The following SLC25A53 variants were observed in gnomAD, a reference collection of about 807,000 sequenced individuals.
SLC25A53 encodes mitochondrial carrier triple repeat protein 6.
A neutral mutation model predicts 15.0 loss-of-function variants in SLC25A53; 5 were observed. The ratio of observed to expected loss-of-function variants is 0.33; its 90% CI spans 0.17 to 0.70. The LOEUF (loss-of-function observed/expected upper bound fraction) is 0.70, where lower values mean the gene tolerates loss of function less well. Ranked by LOEUF, SLC25A53 falls within the 30% of genes least tolerant of loss-of-function variation. The pLI, the probability that SLC25A53 is intolerant of heterozygous loss-of-function variation, is 0.67. For synonymous variants in SLC25A53, 95 were observed against 100.0 expected, an observed-to-expected ratio of 0.95 and a Z score of 0.30; for missense variants, 216 against 241.6, an observed-to-expected ratio of 0.89 and a Z score of 0.70.
chrX:104,132,210 C>G (rs782527581), intron 1 of SLC25A53, among the ~76,000 whole-genome samples: 1 of 111,958 alleles, frequency 8.9e-6, no homozygotes, highest in Non-Finnish European at 1.9e-5. Context: ...CAGAGGTGAT[C>G]CAGAGATATC....
At chrX:104,122,018 C>T (rs1164476959) in intron 1 of SLC25A53, among the ~76,000 whole-genome samples, 1 of 97,789 alleles carries the variant, frequency 1.0e-5, no homozygotes, top group African/African-American at 3.8e-5. Context: ...GTGATCCTCC[C>T]GCCTTAGTCT....
At chrX:104,113,954 C>T in intron 1 of SLC25A53, 1 of 896,195 alleles carries the variant, frequency 1.1e-6, no homozygotes, top group Non-Finnish European at 1.5e-6. Flanking sequence ...TTCCCCACAG[C>T]CCACTATCTT....
chrX:104,114,243 C>T, intron 1 of SLC25A53: 1 of 1,208,902 alleles, frequency 8.3e-7, no homozygotes, highest in Non-Finnish European at 1.1e-6. Context: ...CAGAGAGAAA[C>T]ATGAAGTTGT....
intron 1 of SLC25A53, among the ~76,000 whole-genome samples, chrX:104,123,550 T>TC (rs1422282236): frequency 7.3e-4 from 81 of 111,666 alleles, no homozygotes; most frequent in Non-Finnish European, 1.1e-3. Flanking sequence ...TGTTTATTTT[T>TC]TTTTTTTACT....
chrX:104,115,092 T>C (rs1556360905), intron 1 of SLC25A53: 1 of 1,200,849 alleles, frequency 8.3e-7, no homozygotes, highest in Non-Finnish European at 1.1e-6. Context: ...GTGGTGGTTC[T>C]GGGTATAAGA....
At chrX:104,128,026 G>A (rs2075415780) in intron 1 of SLC25A53, among the ~76,000 whole-genome samples, 1 of 111,279 alleles carries the variant, frequency 9.0e-6, no homozygotes, top group Non-Finnish European at 1.9e-5. Context: ...GCAGAAAGTA[G>A]CCTTGGCGAA....
intron 1 of SLC25A53, among the ~76,000 whole-genome samples, chrX:104,133,703 C>A (rs2075430690): frequency 9.0e-6 from 1 of 111,097 alleles, no homozygotes; most frequent in Non-Finnish European, 1.9e-5. Context: ...CCATTTGGGC[C>A]ACAGAGTCAA....
intron 1 of SLC25A53, among the ~76,000 whole-genome samples, chrX:104,139,255 C>T (rs933814849): frequency 8.9e-6 from 1 of 111,835 alleles, no homozygotes; most frequent in African/African-American, 3.3e-5. Context: ...CAGTGGCTCA[C>T]GCCTGTAATC....
chrX:104,150,862 C>T (rs1179596083), intron 1 of SLC25A53, among the ~76,000 whole-genome samples: 1 of 111,515 alleles, frequency 9.0e-6, no homozygotes, highest in Non-Finnish European at 1.9e-5. Context: ...ATGTAATGCA[C>T]TGAGCAATCA....
chrX:104,128,029 T>C (rs2075415788), intron 1 of SLC25A53, among the ~76,000 whole-genome samples: 1 of 111,592 alleles, frequency 9.0e-6, no homozygotes. Context: ...GAAAGTAGCC[T>C]TGGCGAATTT....
intron 1 of SLC25A53, chrX:104,113,814 C>G (rs1569461044): frequency 7.1e-6 from 2 of 280,481 alleles, no homozygotes; most frequent in African/African-American, 5.5e-5. Flanking sequence ...TACCTACTAG[C>G]CCAGGGACAC....
intron 1 of SLC25A53, among the ~76,000 whole-genome samples, chrX:104,136,970 AAAAT>A (rs1419593258): frequency 1.8e-5 from 2 of 111,717 alleles, no homozygotes; most frequent in East Asian, 5.6e-4. Flanking sequence ...CAACCACTAT[AAAAT>A]AATTATTATA....
At chrX:104,152,158 T>A (rs1361160345) in intron 1 of SLC25A53, among the ~76,000 whole-genome samples, 1 of 109,105 alleles carries the variant, frequency 9.2e-6, no homozygotes, top group East Asian at 3.0e-4. Flanking sequence ...ACATGTGCCA[T>A]GTTGGTGTGC....
At position 104,119,803 on chromosome X, in the gene SLC25A53, T is replaced by C. The variant is rs782586853; in HGVS notation, c.-31-14515A>G. ...ACAGAACAGATCAGAACTCCAGAAA[T>C]TCCCATAAGTCCTTGCCCAATCACA... On this transcript the variant is annotated intron_variant, in intron 1 of 1. Coordinates refer to ENST00000594199, the MANE Select transcript of SLC25A53 (RefSeq NM_001012755.5). Among the ~76,000 whole-genome samples, 161 of 111,457 alleles carry C rather than the reference T, an allele frequency of 1.4e-3. 1 individual carries two copies. In the Middle Eastern group the frequency reaches 0.018, roughly 13 times the overall value.
At chrX:104,125,704 C>G (rs1556364122) in intron 1 of SLC25A53, among the ~76,000 whole-genome samples, 1 of 111,465 alleles carries the variant, frequency 9.0e-6, no homozygotes, top group East Asian at 2.8e-4. Context: ...CATTCAGCAT[C>G]TCCTTAAATC....
At chrX:104,119,207 G>A (rs2075386432) in intron 1 of SLC25A53, among the ~76,000 whole-genome samples, 1 of 112,027 alleles carries the variant, frequency 8.9e-6, no homozygotes, top group Admixed American at 9.5e-5. Flanking sequence ...AGATACATTT[G>A]AGCAGTAAAT....
In SLC25A53 at chrX:104,100,426, AT is replaced by A. The variant is rs1488128034; in HGVS notation, c.*3907del. On this transcript the variant is annotated 3_prime_UTR_variant, in exon 2 of 2. Coordinates refer to ENST00000594199, the MANE Select transcript of SLC25A53 (RefSeq NM_001012755.5). ...TTATTGGTCTCAACTCCTAAAACTC[AT>A]TTTTAATATCAGAAAACATAGCTCC... 9.0e-6 allele frequency: 1 copy of A among 111,619 alleles called. No individual in the cohort carries two copies. The highest frequency in any genetic ancestry group is 9.5e-5 in the Admixed American group (1 of 10,474). 9.2% of individuals were successfully genotyped at this position (111,619 alleles called of 1,213,427 possible). A position where few individuals can be genotyped will look rare whatever the true frequency, so the allele number is the denominator to read the frequency against.
intron 1 of SLC25A53, among the ~76,000 whole-genome samples, chrX:104,139,953 C>T (rs1203053482): frequency 8.8e-6 from 1 of 113,292 alleles, no homozygotes; most frequent in East Asian, 2.7e-4. Context: ...TCTCACCAAA[C>T]CTGTGAAGCA....
At chrX:104,114,432 C>T (rs1482984546) in intron 1 of SLC25A53, 1 of 1,211,869 alleles carries the variant, frequency 8.3e-7, no homozygotes. Context: ...CCAACCCCAA[C>T]CTAAGTGTAG....
Sources: gnomAD v4.1 joint callset for allele counts (sites outside exome capture counted in the v4.1 genomes callset) on GRCh38, gnomAD v4.1.1 for gene constraint, MANE v1.5 for transcripts, NCBI Gene and HGNC (gene_info 2026-07-23, HGNC 2026-07-21) for gene names.